Variants in SPDYE3 observed in about 807,000 individuals in gnomAD.
SPDYE3 encodes the protein speedy/RINGO cell cycle regulator family member E3.
SPDYE3 carries 15 observed loss-of-function variants against 55.0 expected under a neutral mutation model. The observed-to-expected ratio is 0.27, with a 90% CI of 0.18 to 0.42. SPDYE3 has a LOEUF of 0.42. SPDYE3 is among the 10% of genes least tolerant of loss of function. SPDYE3 has a pLI of 1.00. For missense variants in SPDYE3, 236 were observed against 576.7 expected (o/e 0.41, Z 6.05); for synonymous variants, 89 against 229.9 (o/e 0.39, Z 5.55).
At chr7:100,320,313 G>A in intron 10 of SPDYE3, 6 of 1,088,944 alleles carry the variant, frequency 5.5e-6, no homozygotes, top group Non-Finnish European at 7.3e-6. Flanking sequence ...GTGAGACCCT[G>A]CCTCAAAAAT....
chr7:100,310,047 G>T (rs1183114028), intron 2 of SPDYE3, among the ~76,000 whole-genome samples: 2 of 139,016 alleles, frequency 1.4e-5, no homozygotes, highest in Non-Finnish European at 3.2e-5. Context: ...AGTCAGCTGA[G>T]ATTGCACCAC....
Position 100,319,887 on chromosome 7 carries a change from T to C in SPDYE3, c.1591-44T>C, listed in dbSNP as rs754091737. On this transcript the variant is annotated intron_variant, in intron 9 of 10. Transcript: ENST00000332397. ...GGCTGGACGAGGGGAGAGAGGGGTA[T>C]CCTGGGGAGTCCCCGTCTTCTCAAA... The C allele has an allele frequency of 1.6e-5, 25 of 1,612,440 alleles. 1 individual carries two copies. In the South Asian group the frequency reaches 1.9e-4, roughly 12 times the overall value.
chr7:100,322,169 G>GT lies in SPDYE3; in HGVS notation c.*1325dup, dbSNP rs1444588153. 1.3e-5 allele frequency: 2 copies of GT among 151,834 alleles called. No homozygotes were observed. Among genetic ancestry groups the GT allele is most frequent in the Non-Finnish European group, 2.9e-5 (2 of 67,974 alleles). The allele number at this position is 151,834 out of a possible 1,614,324, so 9.4% of individuals were successfully genotyped here. On this transcript the variant is annotated 3_prime_UTR_variant, in exon 11 of 11. Coordinates refer to ENST00000332397, the MANE Select transcript of SPDYE3 (RefSeq NM_001004351.5). ...TATGTGGTAGTTCCCCTAAATTCTTGTAAAAATAAATTTTTATTTGATATT... is the reference window on the plus strand; with the variant it reads ...TATGTGGTAGTTCCCCTAAATTCTTGTTAAAAATAAATTTTTATTTGATATT...
At chr7:100,315,468 G>A (rs1003370717) in intron 6 of SPDYE3, among the ~76,000 whole-genome samples, 2 of 152,124 alleles carry the variant, frequency 1.3e-5, no homozygotes, top group Non-Finnish European at 2.9e-5. Flanking sequence ...ACTGTCTCAT[G>A]AGGAAATGAT....
At chr7:100,312,201 T>G (rs1489984330) in intron 4 of SPDYE3, among the ~76,000 whole-genome samples, 6 of 135,172 alleles carry the variant, frequency 4.4e-5, no homozygotes, top group African/African-American at 1.8e-4. Flanking sequence ...CCAGGCGCTG[T>G]GGCTCCCGCC....
intron 7 of SPDYE3, among the ~76,000 whole-genome samples, 155 bp from the exon 8 acceptor site, chr7:100,316,915 T>A (rs947105933): frequency 6.6e-6 from 1 of 152,054 alleles, no homozygotes; most frequent in Non-Finnish European, 1.5e-5. Flanking sequence ...CGAATACCCC[T>A]CCACCCCGCA....
chr7:100,311,532 A>C lies in SPDYE3; in HGVS notation c.545-218A>C, dbSNP rs115539152. Among the ~76,000 whole-genome samples, 442 of 138,738 alleles carry C rather than the reference A, an allele frequency of 3.2e-3. 49 individuals are homozygous for C. Among genetic ancestry groups the C allele is most frequent in the African/African-American group, 0.011 (417 of 36,446 alleles). The allele number at this position is 138,738 out of a possible 152,430, so 91.0% of individuals were successfully genotyped here. A position where few individuals can be genotyped will look rare whatever the true frequency, so the allele number is the denominator to read the frequency against. The stretch of plus-strand genomic sequence containing the variant: ...GCCTCAGAGAGCCAGGGACCAGGGA[A>C]GGATATGACGCAGTGTTCTGAGGAC... On this transcript the variant is annotated intron_variant, in intron 3 of 10. Coordinates refer to ENST00000332397, the MANE Select transcript of SPDYE3 (RefSeq NM_001004351.5).
chr7:100,318,999 C>A (rs1310365913), intron 8 of SPDYE3, among the ~76,000 whole-genome samples: 5 of 151,474 alleles, frequency 3.3e-5, no homozygotes, highest in Non-Finnish European at 5.9e-5. Context: ...GCAACCTCCG[C>A]CTCCTGGGTT....
Position 100,308,013 on chromosome 7 carries a change from G to C in SPDYE3, c.106+22G>C. The C allele has an allele frequency of 2.0e-6, 3 of 1,536,008 alleles. No homozygotes were observed. In the South Asian group the frequency reaches 3.6e-5, roughly 18 times the overall value. ...TCAGGTGAGGGGACTGGAGGAAGAAGAGGTGGCATAGGATTGACTAAGACG... is the reference window on the plus strand; with the variant it reads ...TCAGGTGAGGGGACTGGAGGAAGAACAGGTGGCATAGGATTGACTAAGACG... On this transcript the variant is annotated intron_variant, in intron 1 of 10. Transcript: ENST00000332397.
chr7:100,309,557 G>A lies in SPDYE3; in HGVS notation c.325+365G>A, dbSNP rs1370459098. ...CCTGAGTGACAGAGCAAAACTCTGC[G>A]TCAAAAGAAAAACCAAGGCTGGGCA... is the stretch of plus-strand genomic sequence containing the variant. On this transcript the variant is annotated intron_variant, in intron 2 of 10. Coordinates refer to ENST00000332397, the MANE Select transcript of SPDYE3 (RefSeq NM_001004351.5). Among the ~76,000 whole-genome samples, 2 of 138,904 alleles carry A rather than the reference G, an allele frequency of 1.4e-5. 1 individual carries two copies. Among genetic ancestry groups the A allele is most frequent in the Non-Finnish European group, 3.2e-5 (2 of 62,168 alleles). The allele number at this position is 138,904 out of a possible 152,430, so 91.1% of individuals were successfully genotyped here.
At position 100,315,855 on chromosome 7, in the gene SPDYE3, C is replaced by T; in HGVS notation, c.1260+12C>T. ...GGGTGTCAGACAAGGTAAGGTTGTT[C>T]TCTATGTAACTGTGTTCCTGTTCTA... is the stretch of plus-strand genomic sequence containing the variant. On this transcript the variant is annotated intron_variant, in intron 7 of 10. Transcript: ENST00000332397. 2 of 1,599,800 alleles carry T rather than the reference C, an allele frequency of 1.3e-6. No homozygotes were observed. The highest frequency in any genetic ancestry group is 1.7e-6 in the Non-Finnish European group (2 of 1,179,694).
chr7:100,320,780 C>G (rs3991526), intron 10 of SPDYE3, 111 bp from the exon 11 acceptor site: 1 of 1,076,332 alleles, frequency 9.3e-7, no homozygotes, highest in African/African-American at 1.7e-5. Context: ...GAGATAAAAT[C>G]GCACTTCTCA....
intron 1 of SPDYE3, among the ~76,000 whole-genome samples, chr7:100,308,632 C>A (rs1366581051): frequency 6.6e-6 from 1 of 151,728 alleles, no homozygotes; most frequent in African/African-American, 2.4e-5. Flanking sequence ...TAACTGGAAT[C>A]CGGGAGATGG....
At chr7:100,320,565 C>T (rs754961114) in intron 10 of SPDYE3, 45 of 972,002 alleles carry the variant, frequency 4.6e-5, no homozygotes, top group Non-Finnish European at 5.6e-5. Flanking sequence ...TGAAGTGACA[C>T]AAAAGACCCT....
At chr7:100,309,244 G>T (rs1805905074) in intron 2 of SPDYE3, 52 bp downstream of exon 2, 3 of 332,494 alleles carry the variant, frequency 9.0e-6, no homozygotes, top group South Asian at 2.3e-5. Flanking sequence ...CTAAAAAGAG[G>T]AAACTTCCAA....
At position 100,317,227 on chromosome 7, in the gene SPDYE3, C is replaced by A. The variant is rs1254733748; in HGVS notation, c.1346+72C>A. 7.6e-6 allele frequency: 11 copies of A among 1,450,426 alleles called. No individual in the cohort carries two copies. The East Asian group carries it at 2.3e-4, about 30-fold the overall frequency. The allele number at this position is 1,450,426 out of a possible 1,614,324, so 89.8% of individuals were successfully genotyped here. A position where few individuals can be genotyped will look rare whatever the true frequency, so the allele number is the denominator to read the frequency against. On this transcript the variant is annotated intron_variant, in intron 8 of 10. Coordinates refer to ENST00000332397, the MANE Select transcript of SPDYE3 (RefSeq NM_001004351.5). The stretch of plus-strand genomic sequence containing the variant: ...ACAGCGGGGGAAGTGGGATTCCAGC[C>A]TTTCATTTATTCTTTCACCTATTTG...
chr7:100,314,910 C>T (rs1806061018), intron 6 of SPDYE3, among the ~76,000 whole-genome samples, 160 bp downstream of exon 6: 1 of 144,094 alleles, frequency 6.9e-6, no homozygotes, highest in Admixed American at 6.9e-5. Context: ...ACTTAGGAGT[C>T]AACAGAGGAT....
chr7:100,312,513 A>G (rs1384234204), intron 4 of SPDYE3, among the ~76,000 whole-genome samples: 6 of 137,138 alleles, frequency 4.4e-5, no homozygotes, highest in South Asian at 4.5e-4. Flanking sequence ...AAAAAAAAAA[A>G]AAGAAGAAGA....
At chr7:100,318,924 T>C (rs1172237971) in intron 8 of SPDYE3, among the ~76,000 whole-genome samples, 3 of 148,048 alleles carry the variant, frequency 2.0e-5, no homozygotes, top group East Asian at 2.0e-4. Context: ...ATTTATTTAT[T>C]TATCAAGACA....
Sources: allele counts gnomAD v4.1 joint callset (sites outside exome capture counted in the v4.1 genomes callset), GRCh38; gene constraint gnomAD v4.1.1; transcripts MANE v1.5; gene names NCBI Gene and HGNC (gene_info 2026-07-23, HGNC 2026-07-21).